Variants in KCNG3 observed in about 807,000 individuals in gnomAD.
The protein encoded by KCNG3 is voltage-gated potassium channel regulatory subunit KCNG3.
KCNG3 carries 15 observed loss-of-function variants against 29.0 expected under a neutral mutation model. That is an observed-to-expected ratio of 0.52 (90% CI 0.35 to 0.80). KCNG3 has a LOEUF of 0.80. Among genes scored for constraint, KCNG3 ranks in the 30% least tolerant of loss-of-function variants. The pLI, the probability that KCNG3 is intolerant of heterozygous loss-of-function variation, is 0.01. For synonymous variants in KCNG3, 322 were observed against 248.9 expected, an observed-to-expected ratio of 1.29 and a Z score of -2.76; for missense variants, 512 against 605.7, an observed-to-expected ratio of 0.85 and a Z score of 1.62.
intron 1 of KCNG3, among the ~76,000 whole-genome samples, chr2:42,458,801 A>G (rs199508771): frequency 9.9e-4 from 44 of 44,396 alleles, no homozygotes; most frequent in African/African-American, 2.5e-3. Flanking sequence ...TACTTAAAAA[A>G]GAAAAAAAAA....
At chr2:42,445,004 C>G (rs1275300557) in intron 1 of KCNG3, among the ~76,000 whole-genome samples, 1 of 150,466 alleles carries the variant, frequency 6.6e-6, no homozygotes, top group Admixed American at 6.7e-5. Flanking sequence ...AAGGTCAAGG[C>G]CAGAGTGAGC....
At chr2:42,472,907 T>A (rs371171703) in intron 1 of KCNG3, among the ~76,000 whole-genome samples, 1,383 of 122,820 alleles carry the variant, frequency 0.011, 23 homozygotes, top group African/African-American at 0.04. Context: ...ATATATATTT[T>A]TTTTTTTTTT....
chr2:42,468,309 G>C (rs565894294), intron 1 of KCNG3, among the ~76,000 whole-genome samples: 2 of 152,132 alleles, frequency 1.3e-5, no homozygotes, highest in South Asian at 4.2e-4. Context: ...GAAAAGTACA[G>C]GTGCTCTTTG....
chr2:42,403,477 G>GTTTTTTT, the KCNG3 span, among the ~76,000 whole-genome samples: 5 of 87,780 alleles, frequency 5.7e-5, no homozygotes, highest in Non-Finnish European at 6.6e-5. Context: ...TTTCTTTTCT[G>GTTTTTTT]TTTTTTTTTT....
chr2:42,447,161 T>C (rs574139841), intron 1 of KCNG3, among the ~76,000 whole-genome samples: 1 of 151,436 alleles, frequency 6.6e-6, no homozygotes, highest in African/African-American at 2.4e-5. Flanking sequence ...TTCCCCTCCC[T>C]GGAGTCAACA....
At chr2:42,447,685 T>TTTTTCTTTTA (rs1672636207) in intron 1 of KCNG3, among the ~76,000 whole-genome samples, 1 of 151,796 alleles carries the variant, frequency 6.6e-6, no homozygotes, top group Admixed American at 6.6e-5. Context: ...TGGTTAATTT[T>TTTTTCTTTTA]TTTTCTTTTT....
chr2:42,484,791 G>C (rs974102357), intron 1 of KCNG3, among the ~76,000 whole-genome samples: 2 of 152,220 alleles, frequency 1.3e-5, no homozygotes, highest in African/African-American at 2.4e-5. Flanking sequence ...AAAGGGCATT[G>C]ACAAAAGAAA....
chr2:42,477,427 ATTT>A (rs768215543), intron 1 of KCNG3, among the ~76,000 whole-genome samples: 1,177 of 108,904 alleles, frequency 0.011, 26 homozygotes, highest in African/African-American at 0.035. Context: ...ACACACATAT[ATTT>A]TTTTTTTTTT....
intron 1 of KCNG3, among the ~76,000 whole-genome samples, chr2:42,468,966 A>AG (rs961876410): frequency 6.6e-6 from 1 of 151,330 alleles, no homozygotes; most frequent in African/African-American, 2.4e-5. Context: ...AAAAAAAAAA[A>AG]AAAAAAAAAA....
intron 1 of KCNG3, among the ~76,000 whole-genome samples, chr2:42,489,242 T>C (rs1673812015): frequency 1.3e-5 from 2 of 151,932 alleles, no homozygotes; most frequent in South Asian, 4.1e-4. Flanking sequence ...TGTTCTTAAT[T>C]CACTGGGCGT....
intron 1 of KCNG3, among the ~76,000 whole-genome samples, chr2:42,459,199 CAA>C (rs557483168): frequency 1.5e-5 from 2 of 129,658 alleles, no homozygotes; most frequent in Non-Finnish European, 1.6e-5. Flanking sequence ...TCCATCGTCT[CAA>C]AAAAAAAAAA....
the KCNG3 span, among the ~76,000 whole-genome samples, chr2:42,434,731 T>G: frequency 7.1e-5 from 10 of 140,776 alleles, no homozygotes; most frequent in Non-Finnish European, 1.4e-4. Flanking sequence ...CCAAACTTAC[T>G]ACAAAGATAC....
At chr2:42,448,405 T>C (rs1354739978) in intron 1 of KCNG3, among the ~76,000 whole-genome samples, 2 of 151,820 alleles carry the variant, frequency 1.3e-5, no homozygotes, top group Non-Finnish European at 2.9e-5. Context: ...GCATGCAACC[T>C]AAGAATGGTT....
chr2:42,414,919 C>G, the KCNG3 span, among the ~76,000 whole-genome samples: 1 of 152,090 alleles, frequency 6.6e-6, no homozygotes, highest in Non-Finnish European at 1.5e-5. Flanking sequence ...TCACTGATAC[C>G]AGTTCATCTG....
At chr2:42,413,516 G>T in the KCNG3 span, among the ~76,000 whole-genome samples, 2 of 151,908 alleles carry the variant, frequency 1.3e-5, no homozygotes, top group Non-Finnish European at 2.9e-5. Context: ...TAATGATTAA[G>T]AAGTTATATA....
chr2:42,390,839 T>A, the KCNG3 span, among the ~76,000 whole-genome samples: 1 of 152,230 alleles, frequency 6.6e-6, no homozygotes, highest in African/African-American at 2.4e-5. Context: ...GAAACCATGA[T>A]TGATTCACTT....
intron 1 of KCNG3, among the ~76,000 whole-genome samples, chr2:42,466,996 G>A (rs991998403): frequency 4.6e-5 from 7 of 151,924 alleles, no homozygotes; most frequent in Non-Finnish European, 7.4e-5. Flanking sequence ...CAGGTGATCC[G>A]CCCGCCTCGG....
chr2:42,428,705 TAAC>T, the KCNG3 span, among the ~76,000 whole-genome samples: 1 of 152,000 alleles, frequency 6.6e-6, no homozygotes, highest in Non-Finnish European at 1.5e-5. Context: ...TAATAAATAA[TAAC>T]AATAAACATT....
At chr2:42,406,555 A>G in the KCNG3 span, among the ~76,000 whole-genome samples, 6 of 149,532 alleles carry the variant, frequency 4.0e-5, no homozygotes, top group Non-Finnish European at 7.4e-5. Flanking sequence ...GGCTGGGCAC[A>G]GTGGCTCACG....
Sources: allele counts gnomAD v4.1 joint callset (sites outside exome capture counted in the v4.1 genomes callset), GRCh38; gene constraint gnomAD v4.1.1; transcripts MANE v1.5; gene names NCBI Gene and HGNC (gene_info 2026-07-23, HGNC 2026-07-21).